The following GRM8 variants were observed in gnomAD, a reference collection of about 807,000 sequenced individuals.
The protein encoded by GRM8 is metabotropic glutamate receptor 8.
Under a neutral mutation model 87.2 loss-of-function variants are expected in GRM8, and 47 were observed. The observed-to-expected ratio is 0.54, with a 90% confidence interval of 0.43 to 0.69. The LOEUF is 0.69. GRM8 is among the 30% of genes least tolerant of loss of function. The pLI, the probability that GRM8 is intolerant of heterozygous loss-of-function variation, is 0.00. For synonymous variants in GRM8, 396 were observed against 404.5 expected, an observed-to-expected ratio of 0.98 and a Z score of 0.25; for missense variants, 1,019 against 1,139.2, an observed-to-expected ratio of 0.89 and a Z score of 1.52.
intron 3 of GRM8, among the ~76,000 whole-genome samples, chr7:126,951,953 C>T (rs1430117006): frequency 6.6e-6 from 1 of 151,732 alleles, no homozygotes; most frequent in Non-Finnish European, 1.5e-5. Flanking sequence ...AGAGCAATGA[C>T]ATCCCAGTAG....
At chr7:127,142,730 CAG>C (rs1828345111) in intron 2 of GRM8, among the ~76,000 whole-genome samples, 1 of 151,878 alleles carries the variant, frequency 6.6e-6, no homozygotes. Context: ...GATGGACGGA[CAG>C]ATGGACGGAT....
intron 2 of GRM8, among the ~76,000 whole-genome samples, chr7:127,200,023 G>A (rs1795501157): frequency 6.6e-6 from 1 of 152,108 alleles, no homozygotes. Flanking sequence ...CTTTGGTATG[G>A]ACTAACCCAA....
At chr7:126,656,203 A>G (rs570984144) in intron 7 of GRM8, among the ~76,000 whole-genome samples, 1 of 152,300 alleles carries the variant, frequency 6.6e-6, no homozygotes, top group Admixed American at 6.5e-5. Context: ...GGGTAAGATA[A>G]CTAGAGTAAC....
chr7:126,694,037 C>T (rs535252853), intron 7 of GRM8, among the ~76,000 whole-genome samples: 7 of 151,876 alleles, frequency 4.6e-5, no homozygotes, highest in Non-Finnish European at 7.4e-5. Flanking sequence ...ACGTATTAAA[C>T]GTTTCTCTTA....
intron 7 of GRM8, among the ~76,000 whole-genome samples, chr7:126,641,917 T>C (rs1020889088): frequency 1.3e-5 from 2 of 152,194 alleles, no homozygotes; most frequent in South Asian, 2.1e-4. Context: ...CTCCACACTT[T>C]AACCTCCTGT....
chr7:127,178,693 T>C (rs950318135), intron 2 of GRM8, among the ~76,000 whole-genome samples: 2 of 152,030 alleles, frequency 1.3e-5, no homozygotes, highest in Non-Finnish European at 2.9e-5. Flanking sequence ...TTCAGTCTCC[T>C]CAAACAAAAC....
At chr7:127,199,628 G>A (rs1350276970) in intron 2 of GRM8, among the ~76,000 whole-genome samples, 1 of 152,208 alleles carries the variant, frequency 6.6e-6, no homozygotes, top group South Asian at 2.1e-4. Context: ...AGGGGCACAT[G>A]AGGACAAGAT....
chr7:126,649,730 C>G (rs1803581333), intron 7 of GRM8, among the ~76,000 whole-genome samples: 1 of 152,114 alleles, frequency 6.6e-6, no homozygotes, highest in South Asian at 2.1e-4. Context: ...GCAATACATT[C>G]CTCAGTTGGA....
chr7:126,968,550 C>T (rs868190340), intron 3 of GRM8, among the ~76,000 whole-genome samples: 1 of 152,110 alleles, frequency 6.6e-6, no homozygotes, highest in Non-Finnish European at 1.5e-5. Context: ...ATTTACTCAA[C>T]TTAGGAAGTC....
intron 8 of GRM8, among the ~76,000 whole-genome samples, chr7:126,603,887 C>T (rs1209146627): frequency 6.6e-6 from 1 of 151,990 alleles, no homozygotes; most frequent in Non-Finnish European, 1.5e-5. Context: ...TCTCTCAAAC[C>T]CTGTTTCAAC....
At chr7:127,053,670 TC>T (rs1260751814) in intron 3 of GRM8, among the ~76,000 whole-genome samples, 11 of 150,958 alleles carry the variant, frequency 7.3e-5, no homozygotes, top group Non-Finnish European at 1.3e-4. Flanking sequence ...TGCCTGTAGT[TC>T]CAGCTACTCA....
chr7:126,775,479 G>GTTTTTTTTTTTT lies in GRM8; in HGVS notation c.1157-5426_1157-5415dup, dbSNP rs372733476. 3.4e-4 allele frequency among the ~76,000 whole-genome samples: 36 copies of GTTTTTTTTTTTT among 104,758 alleles called. 2 individuals are homozygous for GTTTTTTTTTTTT. Among genetic ancestry groups the GTTTTTTTTTTTT allele is most frequent in the African/African-American group, 1.5e-3 (35 of 23,058 alleles). The allele number at this position is 104,758 out of a possible 152,430, so 68.7% of individuals were successfully genotyped here. ...TGAGCGCTATCAAGCTGACAAATAGGTTTTTTTTTTTTTTTTTTTTTTTTT... is the reference window on the plus strand; with the variant it reads ...TGAGCGCTATCAAGCTGACAAATAGGTTTTTTTTTTTTTTTTTTTTTTTTTTTTTTTTTTTTT... On this transcript the variant is annotated intron_variant, in intron 6 of 10. Transcript: ENST00000339582.
chr7:126,589,371 C>T (rs1592373), intron 8 of GRM8, among the ~76,000 whole-genome samples: 3,953 of 152,138 alleles, frequency 0.026, 164 homozygotes, highest in African/African-American at 0.09. Flanking sequence ...ACTTCCCTGG[C>T]AACCTACATG....
chr7:127,108,193 T>C (rs774460949), intron 2 of GRM8, among the ~76,000 whole-genome samples: 4 of 152,180 alleles, frequency 2.6e-5, no homozygotes, highest in Non-Finnish European at 2.9e-5. Flanking sequence ...TGTGACTGCA[T>C]AGTACATGAC....
At chr7:126,939,814 T>C (rs1028179261) in intron 3 of GRM8, among the ~76,000 whole-genome samples, 6 of 152,184 alleles carry the variant, frequency 3.9e-5, no homozygotes, top group African/African-American at 1.4e-4. Flanking sequence ...TGAAGTCAAA[T>C]AGCTTGCATG....
intron 2 of GRM8, among the ~76,000 whole-genome samples, chr7:127,179,775 G>A (rs1430103008): frequency 6.6e-6 from 1 of 151,898 alleles, no homozygotes; most frequent in Admixed American, 6.6e-5. Context: ...AAATCAAGAT[G>A]GAAATTAAAA....
At chr7:126,788,569 A>ATTC (rs983640802) in intron 6 of GRM8, among the ~76,000 whole-genome samples, 1 of 151,850 alleles carries the variant, frequency 6.6e-6, no homozygotes, top group African/African-American at 2.4e-5. Context: ...CTAGAATGTG[A>ATTC]TTCTTCCCCC....
chr7:127,212,697 G>A (rs1012790009), intron 2 of GRM8, among the ~76,000 whole-genome samples: 2 of 152,252 alleles, frequency 1.3e-5, no homozygotes, highest in East Asian at 3.9e-4. Context: ...GATTACAGGC[G>A]TGAGCCACCG....
intron 6 of GRM8, among the ~76,000 whole-genome samples, chr7:126,791,852 C>T (rs1821370997): frequency 6.6e-6 from 1 of 152,096 alleles, no homozygotes; most frequent in African/African-American, 2.4e-5. Flanking sequence ...TGCAGTGAAA[C>T]AGGTTTCTCG....
Sources: allele counts gnomAD v4.1 joint callset (sites outside exome capture counted in the v4.1 genomes callset), GRCh38; gene constraint gnomAD v4.1.1; transcripts MANE v1.5; gene names NCBI Gene and HGNC (gene_info 2026-07-23, HGNC 2026-07-21).